MSRA: variants seen among roughly 807,000 people sequenced by gnomAD.
The protein encoded by MSRA is mitochondrial peptide methionine sulfoxide reductase.
MSRA carries 54 observed loss-of-function variants against 31.3 expected under a neutral mutation model. That is an observed-to-expected ratio of 1.73 (90% CI 1.39 to 2.17). MSRA has a LOEUF of 2.17. Among genes scored for constraint, MSRA ranks in the 30% most tolerant of loss-of-function variants. MSRA has a pLI of 0.00. For missense variants in MSRA, 507 were observed against 300.9 expected (o/e 1.69, Z -5.07); for synonymous variants, 169 against 116.5 (o/e 1.45, Z -2.90).
At chr8:10,223,076 TTG>T (rs1240639928) in intron 2 of MSRA, among the ~76,000 whole-genome samples, 5 of 152,206 alleles carry the variant, frequency 3.3e-5, no homozygotes, top group Admixed American at 3.3e-4. Flanking sequence ...CACCATAAAA[TTG>T]TGTTTGTCAA....
At chr8:10,144,389 C>T (rs1049753129) in intron 1 of MSRA, among the ~76,000 whole-genome samples, 1 of 152,050 alleles carries the variant, frequency 6.6e-6, no homozygotes, top group Non-Finnish European at 1.5e-5. Flanking sequence ...CTAAAACCAG[C>T]GTAATAGTAG....
At chr8:10,127,804 T>C (rs57726127) in intron 1 of MSRA, among the ~76,000 whole-genome samples, 138,133 of 152,242 alleles carry the variant, frequency 0.91, 62,812 homozygotes, top group East Asian at 0.96. Flanking sequence ...TAAAGGCATG[T>C]AGATATGAAA....
intron 1 of MSRA, among the ~76,000 whole-genome samples, chr8:10,151,340 G>A (rs1411445192): frequency 1.3e-5 from 2 of 151,626 alleles, no homozygotes; most frequent in Admixed American, 1.3e-4. Flanking sequence ...AGAGAGGAAG[G>A]GACAGGAAAT....
intron 2 of MSRA, among the ~76,000 whole-genome samples, chr8:10,233,059 A>C (rs941271874): frequency 6.6e-6 from 1 of 152,236 alleles, no homozygotes; most frequent in Non-Finnish European, 1.5e-5. Flanking sequence ...TCCAAAGGCC[A>C]GTTTTCAGAC....
intron 1 of MSRA, among the ~76,000 whole-genome samples, chr8:10,179,858 A>G (rs773147230): frequency 6.6e-6 from 1 of 152,188 alleles, no homozygotes; most frequent in Non-Finnish European, 1.5e-5. Flanking sequence ...ACCTCTCCCC[A>G]TGTAAAGATT....
At chr8:10,275,281 A>C (rs1799264151) in intron 3 of MSRA, among the ~76,000 whole-genome samples, 2 of 152,240 alleles carry the variant, frequency 1.3e-5, no homozygotes, top group African/African-American at 4.8e-5. Flanking sequence ...TCAAGTTTGA[A>C]GTTTCAGAAA....
At chr8:10,427,968 A>C (rs1809287585) in intron 5 of MSRA, among the ~76,000 whole-genome samples, 180 bp from the exon 6 acceptor site, 1 of 152,210 alleles carries the variant, frequency 6.6e-6, no homozygotes, top group Non-Finnish European at 1.5e-5. Context: ...GAGGCACAGC[A>C]AGGTAAGTCC....
chr8:10,374,905 T>C (rs1341230295), intron 5 of MSRA, among the ~76,000 whole-genome samples: 3 of 152,282 alleles, frequency 2.0e-5, no homozygotes. Context: ...ACCCAGTTCA[T>C]GCAAGAGCTG....
At chr8:10,380,234 T>A (rs1433368942) in intron 5 of MSRA, among the ~76,000 whole-genome samples, 1 of 152,230 alleles carries the variant, frequency 6.6e-6, no homozygotes, top group Non-Finnish European at 1.5e-5. Context: ...ATTTCCTTTT[T>A]ATCTCTCTGG....
At chr8:10,306,092 G>A (rs1801125450) in intron 4 of MSRA, among the ~76,000 whole-genome samples, 1 of 152,044 alleles carries the variant, frequency 6.6e-6, no homozygotes, top group Non-Finnish European at 1.5e-5. Context: ...CCTGGCCATG[G>A]GGTACCCAGA....
intron 1 of MSRA, among the ~76,000 whole-genome samples, chr8:10,144,609 C>T (rs960323559): frequency 3.3e-5 from 5 of 152,086 alleles, no homozygotes; most frequent in African/African-American, 1.2e-4. Flanking sequence ...CCTCCTCCCC[C>T]TTCCCTCTCC....
Position 10,130,643 on chromosome 8 carries a change from C to A in MSRA, c.142+75985C>A, listed in dbSNP as rs570633326. On this transcript the variant is annotated intron_variant, in intron 1 of 5. Transcript: ENST00000317173. Reference sequence around the variant, plus strand: ...ACACACAGAGACCGCACATACAAAGCGATTTTGGAGGGCCCTTTTGAAATT... The same window carrying A: ...ACACACAGAGACCGCACATACAAAGAGATTTTGGAGGGCCCTTTTGAAATT... Among the ~76,000 whole-genome samples, 42 of 152,260 alleles carry A rather than the reference C, an allele frequency of 2.8e-4. 1 individual carries two copies. The highest frequency in any genetic ancestry group is 1.0e-3 in the African/African-American group (42 of 41,554).
intron 1 of MSRA, among the ~76,000 whole-genome samples, chr8:10,198,598 G>A (rs528094530): frequency 1.7e-4 from 26 of 152,220 alleles, no homozygotes; most frequent in African/African-American, 5.3e-4. Context: ...TGACTAGGTC[G>A]AAGGGTGGAA....
intron 5 of MSRA, among the ~76,000 whole-genome samples, chr8:10,394,306 C>A (rs973042465): frequency 1.3e-5 from 2 of 152,148 alleles, no homozygotes; most frequent in Admixed American, 6.5e-5. Flanking sequence ...TTTTCAAATA[C>A]ACTGTAGCAG....
intron 2 of MSRA, among the ~76,000 whole-genome samples, chr8:10,210,173 G>A (rs1809351169): frequency 6.6e-6 from 1 of 152,062 alleles, no homozygotes; most frequent in Non-Finnish European, 1.5e-5. Flanking sequence ...GATACATTGG[G>A]CATTTCATCC....
chr8:10,137,130 C>G (rs951975655), intron 1 of MSRA, among the ~76,000 whole-genome samples: 1 of 152,208 alleles, frequency 6.6e-6, no homozygotes, highest in Non-Finnish European at 1.5e-5. Context: ...CAGAACAAAG[C>G]TCGTCTGCTT....
chr8:10,401,075 T>G (rs1324533087), intron 5 of MSRA, among the ~76,000 whole-genome samples: 1 of 147,238 alleles, frequency 6.8e-6, no homozygotes, highest in Non-Finnish European at 1.5e-5. Context: ...TTAAAAACTT[T>G]TACACATCAG....
intron 3 of MSRA, among the ~76,000 whole-genome samples, chr8:10,254,166 C>T (rs1798059417): frequency 6.6e-6 from 1 of 152,206 alleles, no homozygotes; most frequent in South Asian, 2.1e-4. Flanking sequence ...TGCCGAGGGA[C>T]AGAACTAATT....
chr8:10,076,009 T>G (rs937056864), intron 1 of MSRA, among the ~76,000 whole-genome samples: 1 of 152,330 alleles, frequency 6.6e-6, no homozygotes, highest in East Asian at 1.9e-4. Context: ...ATGTGTTCTC[T>G]AGTGAAGGGC....
Sources: gnomAD v4.1 joint callset for allele counts (sites outside exome capture counted in the v4.1 genomes callset) on GRCh38, gnomAD v4.1.1 for gene constraint, MANE v1.5 for transcripts, NCBI Gene and HGNC (gene_info 2026-07-23, HGNC 2026-07-21) for gene names.